Variants in ARHGEF3 observed in about 807,000 individuals in gnomAD.
The protein encoded by ARHGEF3 is 59.8 kDA protein.
Under a neutral mutation model 63.2 loss-of-function variants are expected in ARHGEF3, and 28 were observed. The ratio of observed to expected loss-of-function variants is 0.44; its 90% CI spans 0.33 to 0.61. The LOEUF (loss-of-function observed/expected upper bound fraction) is 0.61. Ranked by LOEUF, ARHGEF3 falls within the 20% of genes least tolerant of loss-of-function variation. The pLI, the probability that ARHGEF3 is intolerant of heterozygous loss-of-function variation, is 0.03. For synonymous variants in ARHGEF3, 266 were observed against 254.2 expected, an observed-to-expected ratio of 1.05 and a Z score of -0.44; for missense variants, 533 against 659.3, an observed-to-expected ratio of 0.81 and a Z score of 2.10.
In ARHGEF3 at chr3:56,938,465, G is replaced by A. The variant is rs374190406; in HGVS notation, c.129+20358C>T. Among the ~76,000 whole-genome samples the A allele has an allele frequency of 2.2e-3, 336 of 152,270 alleles. 1 individual carries two copies. Among genetic ancestry groups the A allele is most frequent in the African/African-American group, 7.6e-3 (314 of 41,554 alleles). On this transcript the variant is annotated intron_variant, in intron 3 of 12. Transcript: ENST00000338458. ...GATGTTACTTATAATTAAGTGGTTA[G>A]TAAGTCAAATGTGTGCACCTAACAC...
chr3:56,926,042 C>G (rs1485291298), intron 3 of ARHGEF3, among the ~76,000 whole-genome samples: 1 of 152,196 alleles, frequency 6.6e-6, no homozygotes, highest in Non-Finnish European at 1.5e-5. Flanking sequence ...CCAGAGGAGA[C>G]GCAGACCTGT....
intron 3 of ARHGEF3, among the ~76,000 whole-genome samples, chr3:56,914,058 T>TA (rs1052285165): frequency 1.3e-5 from 2 of 152,128 alleles, no homozygotes; most frequent in African/African-American, 4.8e-5. Flanking sequence ...ATCTCACTGA[T>TA]ATGTGGGAGT....
chr3:56,938,581 A>C (rs1277537445), intron 3 of ARHGEF3: 1 of 152,228 alleles, frequency 6.6e-6, no homozygotes, highest in African/African-American at 2.4e-5. Context: ...AAGGCACTAA[A>C]TATACAGAGG....
chr3:56,891,317 C>T (rs2041112726), intron 3 of ARHGEF3, among the ~76,000 whole-genome samples: 1 of 151,702 alleles, frequency 6.6e-6, no homozygotes, highest in Admixed American at 6.6e-5. Flanking sequence ...CGTGCCTGGC[C>T]CCTACTCCAT....
intron 3 of ARHGEF3, among the ~76,000 whole-genome samples, chr3:56,887,337 C>A (rs1474634911): frequency 6.6e-6 from 1 of 152,174 alleles, no homozygotes; most frequent in African/African-American, 2.4e-5. Flanking sequence ...CCATTTCCTT[C>A]TTGAGTTCTG....
intron 1 of ARHGEF3, among the ~76,000 whole-genome samples, chr3:56,792,110 A>T (rs1444434782): frequency 7.0e-6 from 1 of 142,604 alleles, no homozygotes; most frequent in African/African-American, 2.9e-5. Flanking sequence ...TCTCAAAAAA[A>T]AAAAAAAGAA....
rs138677398 is a variant in ARHGEF3, at chr3:56,729,568, G to A, written c.1283C>T (p.Ser428Leu). The change falls in exon 10 of 10, where the codon TCG becomes TTG. Residue 428 changes from serine to leucine, a missense_variant. Ser to Leu is a moderately radical substitution (Grantham distance 145, BLOSUM62 -2). Around this residue, in one of 4 missense-constraint regions of ARHGEF3, gnomAD observed 151 missense variants for 190.7 expected, o/e 0.79. Coordinates refer to ENST00000296315, the MANE Select transcript of ARHGEF3 (RefSeq NM_019555.3). ...FKNGSQSQTH[S>L]LQANDTFNKQ... is the part of the protein sequence containing the mutation. ...GTTGAAAGTGTCATTGGCTTGTAGC[G>A]AGTGGGTCTGACTTTGGGATCCATT... 65 of 1,612,316 alleles carry A rather than the reference G, an allele frequency of 4.0e-5. No homozygotes were observed. In the African/African-American group the frequency reaches 6.5e-4, roughly 16 times the overall value.
At chr3:57,035,398 G>A (rs1703909915) in intron 1 of ARHGEF3, among the ~76,000 whole-genome samples, 1 of 152,062 alleles carries the variant, frequency 6.6e-6, no homozygotes, top group South Asian at 2.1e-4. Flanking sequence ...CACCCATGCT[G>A]CAGTGCAGTG....
intron 4 of ARHGEF3, among the ~76,000 whole-genome samples, chr3:56,816,535 C>A (rs1371713557): frequency 6.6e-6 from 1 of 152,162 alleles, no homozygotes; most frequent in Non-Finnish European, 1.5e-5. Context: ...AAGGCTACAT[C>A]CCCATTGCCA....
chr3:56,788,066 C>T (rs1211312911), intron 1 of ARHGEF3, among the ~76,000 whole-genome samples: 1 of 152,156 alleles, frequency 6.6e-6, no homozygotes, highest in African/African-American at 2.4e-5. Context: ...GTTCATTTGG[C>T]ATTCAAGCCC....
At chr3:56,899,366 C>T (rs1371390756) in intron 3 of ARHGEF3, among the ~76,000 whole-genome samples, 7 of 152,202 alleles carry the variant, frequency 4.6e-5, no homozygotes, top group Non-Finnish European at 7.3e-5. Flanking sequence ...CATTGTCCAT[C>T]GTAAATCCCT....
In ARHGEF3 at chr3:56,801,856, C is replaced by A; in HGVS notation, c.-58G>T. ...CCGCTGACCCTAGGCGACTACAAAA[C>A]TCCCAGGCAAAAGGGGGCCCCAGCT... On this transcript the variant is annotated 5_prime_UTR_variant, in exon 1 of 10. Coordinates refer to ENST00000296315, the MANE Select transcript of ARHGEF3 (RefSeq NM_019555.3). 6.4e-7 allele frequency: 1 copy of A among 1,551,476 alleles called. No homozygotes were observed. The highest frequency in any genetic ancestry group is 8.7e-7 in the Non-Finnish European group (1 of 1,146,972).
At chr3:56,865,104 T>A (rs2040198825) in intron 4 of ARHGEF3, among the ~76,000 whole-genome samples, 1 of 152,188 alleles carries the variant, frequency 6.6e-6, no homozygotes, top group African/African-American at 2.4e-5. Flanking sequence ...AGCTGGTTCA[T>A]TTCTCATTTC....
At chr3:56,783,322 T>C (rs1268858370) in intron 1 of ARHGEF3, among the ~76,000 whole-genome samples, 5 of 152,158 alleles carry the variant, frequency 3.3e-5, no homozygotes, top group Non-Finnish European at 5.9e-5. Flanking sequence ...GTGTTTGTAA[T>C]AAACTGCATG....
chr3:56,729,528 A>G lies in ARHGEF3; in HGVS notation c.1323T>C (p.Leu441=). 1.2e-6 allele frequency: 2 copies of G among 1,614,188 alleles called. No individual in the cohort carries two copies. The highest frequency in any genetic ancestry group is 1.7e-6 in the Non-Finnish European group (2 of 1,180,012). Residue 441 remains leucine, a synonymous_variant, in exon 10 of 10, where the codon CTT becomes CTC. Transcript: ENST00000296315. ...ANDTFNKQQW[L]NCIRQAKETV... ...TTTCTTTGGCTTGACGAATACAGTT[A>G]AGCCACTGCTGTTTGTTGAAAGTGT...
intron 2 of ARHGEF3, among the ~76,000 whole-genome samples, chr3:56,978,666 G>A (rs529345491): frequency 2.0e-5 from 3 of 152,316 alleles, no homozygotes; most frequent in South Asian, 4.1e-4. Flanking sequence ...ATATATTGAC[G>A]TGAAATTTCC....
chr3:56,773,543 T>G (rs2036120584), intron 2 of ARHGEF3, among the ~76,000 whole-genome samples, 166 bp downstream of exon 2: 1 of 152,180 alleles, frequency 6.6e-6, no homozygotes. Flanking sequence ...GACTGCAACT[T>G]GAAAAACATC....
At chr3:57,031,028 C>T (rs13095395) in intron 2 of ARHGEF3, among the ~76,000 whole-genome samples, 17,860 of 152,270 alleles carry the variant, frequency 0.12, 1,402 homozygotes, top group Non-Finnish European at 0.17. Flanking sequence ...CCAGGCTGAT[C>T]TGTGGTCCTT....
intron 3 of ARHGEF3, among the ~76,000 whole-genome samples, chr3:56,943,499 G>A (rs1279621161): frequency 2.6e-5 from 4 of 152,168 alleles, no homozygotes; most frequent in Admixed American, 1.3e-4. Context: ...CTGGTCACCC[G>A]AGAGCTTCGA....
Sources: gnomAD v4.1 joint callset for allele counts (sites outside exome capture counted in the v4.1 genomes callset) on GRCh38, gnomAD v4.1.1 for gene constraint, gnomAD v4.1.1 regional missense constraint, MANE v1.5 for transcripts, NCBI Gene and HGNC (gene_info 2026-07-23, HGNC 2026-07-21) for gene names.